IQSEC3: variants seen among roughly 807,000 people sequenced by gnomAD.
IQSEC3 encodes IQ motif and Sec7 domain ArfGEF 3, also known as IQ motif and SEC7 domain-containing protein 3.
In IQSEC3, 50 loss-of-function variants were observed where a neutral mutation model predicts 105.4. The ratio of observed to expected loss-of-function variants is 0.47; its 90% CI spans 0.38 to 0.60. The LOEUF (loss-of-function observed/expected upper bound fraction) is 0.60. Ranked by LOEUF, IQSEC3 falls within the 20% of genes least tolerant of loss-of-function variation. IQSEC3 has a pLI of 0.00. For missense variants in IQSEC3, 1,415 were observed against 1,630.0 expected (o/e 0.87, Z 2.27); for synonymous variants, 708 against 746.0 (o/e 0.95, Z 0.83).
intron 3 of IQSEC3, among the ~76,000 whole-genome samples, chr12:130,347 C>T (rs1565418281): frequency 1.3e-5 from 2 of 152,204 alleles, no homozygotes; most frequent in Non-Finnish European, 2.9e-5. Flanking sequence ...ATTACCGTCC[C>T]ATTTCTGGAA....
At chr12:129,303 T>A (rs782267088) in intron 3 of IQSEC3, among the ~76,000 whole-genome samples, 3 of 152,168 alleles carry the variant, frequency 2.0e-5, no homozygotes, top group South Asian at 2.1e-4. Context: ...TCCTTGCCCA[T>A]CTTTGCCGCC....
chr12:70,105 T>C (rs1333522665), intron 1 of IQSEC3, among the ~76,000 whole-genome samples: 1 of 152,268 alleles, frequency 6.6e-6, no homozygotes, highest in African/African-American at 2.4e-5. Flanking sequence ...TCCTCTGGCC[T>C]CCTTTCAGCA....
chr12:118,220 G>C (rs1407209154), intron 2 of IQSEC3, among the ~76,000 whole-genome samples: 1 of 152,132 alleles, frequency 6.6e-6, no homozygotes, highest in Non-Finnish European at 1.5e-5. Context: ...TTCCAGCTCG[G>C]GCTTCGAATC....
At chr12:77,191 A>T (rs1863566155) in intron 1 of IQSEC3, among the ~76,000 whole-genome samples, 1 of 152,264 alleles carries the variant, frequency 6.6e-6, no homozygotes, top group Admixed American at 6.5e-5. Flanking sequence ...ATGCGACTTA[A>T]CGCATGGTAA....
chr12:135,143 AG>A (rs1218845267), intron 3 of IQSEC3, among the ~76,000 whole-genome samples: 1 of 152,206 alleles, frequency 6.6e-6, no homozygotes, highest in African/African-American at 2.4e-5. Context: ...GAAAAAAAAA[AG>A]AAATGTGAAA....
chr12:164,200 G>T (rs565570745), intron 9 of IQSEC3, among the ~76,000 whole-genome samples: 1 of 152,142 alleles, frequency 6.6e-6, no homozygotes, highest in East Asian at 1.9e-4. Context: ...TGTCTCCCTC[G>T]CACCGGCCCT....
intron 12 of IQSEC3, among the ~76,000 whole-genome samples, chr12:170,734 G>A (rs1003037654): frequency 6.6e-6 from 1 of 152,238 alleles, no homozygotes; most frequent in Non-Finnish European, 1.5e-5. Context: ...TGCAGGGCTG[G>A]AGCAAAGAAG....
At chr12:119,897 C>T (rs1261700946) in intron 2 of IQSEC3, among the ~76,000 whole-genome samples, 2 of 152,194 alleles carry the variant, frequency 1.3e-5, no homozygotes, top group African/African-American at 4.8e-5. Context: ...ACAGTGCTCC[C>T]AGCAGCTGAG....
intron 2 of IQSEC3, among the ~76,000 whole-genome samples, chr12:104,666 G>A (rs1157199188): frequency 1.3e-5 from 2 of 152,250 alleles, no homozygotes; most frequent in African/African-American, 4.8e-5. Flanking sequence ...CCGCCCTGGT[G>A]GCCCACGTGG....
At chr12:97,704 A>G (rs1210541481) in intron 1 of IQSEC3, among the ~76,000 whole-genome samples, 1 of 152,238 alleles carries the variant, frequency 6.6e-6, no homozygotes, top group Non-Finnish European at 1.5e-5. Context: ...TAGCTGAGAC[A>G]GGAGGATTGC....
intron 1 of IQSEC3, among the ~76,000 whole-genome samples, chr12:74,419 T>C (rs1402805961): frequency 3.9e-5 from 6 of 152,262 alleles, no homozygotes; most frequent in Non-Finnish European, 8.8e-5. Flanking sequence ...CCCAGGGTGT[T>C]TGTGACTGTG....
At chr12:80,617 C>T (rs782390700) in intron 1 of IQSEC3, among the ~76,000 whole-genome samples, 6 of 152,070 alleles carry the variant, frequency 3.9e-5, no homozygotes, top group Admixed American at 6.5e-5. Flanking sequence ...TGCTGTGTGC[C>T]AGTTACTATT....
At chr12:160,763 G>A (rs1565445038) in intron 7 of IQSEC3, among the ~76,000 whole-genome samples, 1 of 152,222 alleles carries the variant, frequency 6.6e-6, no homozygotes, top group Non-Finnish European at 1.5e-5. Context: ...TGTGGTGTTT[G>A]AGTGGCTTCT....
chr12:96,968 G>A (rs1864259231), intron 1 of IQSEC3, among the ~76,000 whole-genome samples: 1 of 152,200 alleles, frequency 6.6e-6, no homozygotes, highest in South Asian at 2.1e-4. Flanking sequence ...AGCACTCATA[G>A]TTAGCAGTCT....
intron 1 of IQSEC3, among the ~76,000 whole-genome samples, chr12:70,903 G>A (rs1284892250): frequency 2.6e-5 from 4 of 152,256 alleles, no homozygotes; most frequent in Non-Finnish European, 1.5e-5. Flanking sequence ...CTGTTACATT[G>A]CTTCTTCCTT....
intron 2 of IQSEC3, among the ~76,000 whole-genome samples, chr12:111,098 G>C (rs893973754): frequency 2.0e-5 from 3 of 152,134 alleles, no homozygotes; most frequent in African/African-American, 4.8e-5. Context: ...GGGGATCCCA[G>C]GGCTTTTCAT....
chr12:110,883 C>G (rs1555079372), intron 2 of IQSEC3, among the ~76,000 whole-genome samples: 2 of 152,198 alleles, frequency 1.3e-5, no homozygotes, highest in East Asian at 1.9e-4. Context: ...ACCTGTTAGA[C>G]ATCTGCTGTT....
intron 2 of IQSEC3, among the ~76,000 whole-genome samples, chr12:117,833 G>A (rs1254735815): frequency 6.6e-6 from 1 of 152,232 alleles, no homozygotes; most frequent in East Asian, 1.9e-4. Context: ...AGCCGGGACA[G>A]CCACATCTGC....
intron 2 of IQSEC3, 118 bp from the exon 3 acceptor site, chr12:125,515 C>T: frequency 9.6e-7 from 1 of 1,042,086 alleles, no homozygotes; most frequent in Non-Finnish European, 1.3e-6. Context: ...GACACCCCCT[C>T]CAGTCCTTGC....
Sources: gnomAD v4.1 joint callset for allele counts (sites outside exome capture counted in the v4.1 genomes callset) on GRCh38, gnomAD v4.1.1 for gene constraint, MANE v1.5 for transcripts, NCBI Gene and HGNC (gene_info 2026-07-23, HGNC 2026-07-21) for gene names.